The following ATOSA variants were observed in gnomAD, a reference collection of about 807,000 sequenced individuals.
The protein encoded by ATOSA is atos homolog protein A.
At chr15:52,694,389 C>A in the ATOSA span, among the ~76,000 whole-genome samples, 4 of 152,136 alleles carry the variant, frequency 2.6e-5, no homozygotes, top group African/African-American at 4.8e-5. Flanking sequence ...TGGTCTCGAA[C>A]TCCTGACCTC....
At chr15:52,592,478 G>T in the ATOSA span, among the ~76,000 whole-genome samples, 4 of 152,072 alleles carry the variant, frequency 2.6e-5, no homozygotes, top group African/African-American at 9.7e-5. Context: ...GCAAATGAAT[G>T]CTTATATTAT....
At chr15:52,590,030 C>T in the ATOSA span, among the ~76,000 whole-genome samples, 2,955 of 152,132 alleles carry the variant, frequency 0.019, 87 homozygotes, top group African/African-American at 0.062. Flanking sequence ...TCAAGTTATC[C>T]GCCTGCCCCA....
At chr15:52,691,623 C>G in the ATOSA span, among the ~76,000 whole-genome samples, 3 of 152,006 alleles carry the variant, frequency 2.0e-5, no homozygotes, top group Admixed American at 6.6e-5. Context: ...TAGCTTGAGC[C>G]CAGGGTTTCA....
chr15:52,692,790 G>A, the ATOSA span, among the ~76,000 whole-genome samples: 1 of 151,808 alleles, frequency 6.6e-6, no homozygotes, highest in Admixed American at 6.6e-5. Flanking sequence ...CTCCTGAGTA[G>A]GTGGGACTAC....
chr15:52,674,428 T>C, the ATOSA span, among the ~76,000 whole-genome samples: 1 of 152,172 alleles, frequency 6.6e-6, no homozygotes, highest in African/African-American at 2.4e-5. Context: ...TCCAAACTTG[T>C]ACATCCTTGA....
chr15:52,621,835 A>G, the ATOSA span, among the ~76,000 whole-genome samples: 1 of 149,114 alleles, frequency 6.7e-6, no homozygotes, highest in Non-Finnish European at 1.5e-5. Context: ...ATGAGAATAC[A>G]CTAACATACT....
the ATOSA span, among the ~76,000 whole-genome samples, chr15:52,705,535 GA>G: frequency 0.57 from 85,859 of 150,170 alleles, 24,653 homozygotes; most frequent in East Asian, 0.79. Context: ...AGAAAGAAGA[GA>G]AAAAAAAAAC....
the ATOSA span, among the ~76,000 whole-genome samples, chr15:52,663,743 C>A: frequency 0.01 from 1,548 of 152,260 alleles, 23 homozygotes; most frequent in African/African-American, 0.036. Context: ...ATCTCAGCAT[C>A]CCAAGAGCTG....
chr15:52,625,312 T>C, the ATOSA span, among the ~76,000 whole-genome samples: 3 of 152,042 alleles, frequency 2.0e-5, no homozygotes, highest in Non-Finnish European at 4.4e-5. Flanking sequence ...AAAGTTGACA[T>C]TAGTGACAAG....
the ATOSA span, among the ~76,000 whole-genome samples, chr15:52,597,189 TATTCTATTC>T: frequency 2.7e-5 from 4 of 149,660 alleles, no homozygotes; most frequent in African/African-American, 4.9e-5. Context: ...TATTCTATTC[TATTCTATTC>T]TATTCTATTC....
At chr15:52,627,801 T>C in the ATOSA span, among the ~76,000 whole-genome samples, 1,157 of 152,294 alleles carry the variant, frequency 7.6e-3, 16 homozygotes, top group African/African-American at 0.027. Context: ...TACATTCGTG[T>C]ATGTTCCTGG....
the ATOSA span, among the ~76,000 whole-genome samples, chr15:52,631,283 G>T: frequency 6.6e-6 from 1 of 152,178 alleles, no homozygotes; most frequent in Non-Finnish European, 1.5e-5. Context: ...CTCACTGTTT[G>T]TAAGGTGGTA....
chr15:52,593,143 C>CA, the ATOSA span, among the ~76,000 whole-genome samples: 1,988 of 127,332 alleles, frequency 0.016, 42 homozygotes, highest in African/African-American at 0.049. Context: ...GAGATGCTGT[C>CA]AAAAAAAAAA....
chr15:52,617,190 G>C, the ATOSA span, among the ~76,000 whole-genome samples: 1 of 152,114 alleles, frequency 6.6e-6, no homozygotes, highest in African/African-American at 2.4e-5. Flanking sequence ...GGGTGGTAAC[G>C]CATGTAGCTT....
At chr15:52,596,652 T>C in the ATOSA span, among the ~76,000 whole-genome samples, 1 of 152,202 alleles carries the variant, frequency 6.6e-6, no homozygotes, top group Non-Finnish European at 1.5e-5. Flanking sequence ...GGGGGTACTA[T>C]TGGAATCAAG....
the ATOSA span, among the ~76,000 whole-genome samples, chr15:52,708,633 C>T: frequency 2.0e-5 from 3 of 151,970 alleles, no homozygotes; most frequent in African/African-American, 4.8e-5. Context: ...TTCTGCTAAA[C>T]CACACTGGGA....
chr15:52,662,604 A>C, the ATOSA span, among the ~76,000 whole-genome samples: 1 of 152,064 alleles, frequency 6.6e-6, no homozygotes, highest in Non-Finnish European at 1.5e-5. Flanking sequence ...CCCCGTCTCT[A>C]CTAAAAATAC....
chr15:52,632,169 T>C, the ATOSA span, among the ~76,000 whole-genome samples: 1 of 152,230 alleles, frequency 6.6e-6, no homozygotes, highest in Non-Finnish European at 1.5e-5. Context: ...TTTTAGTTCA[T>C]GATACTGTTC....
the ATOSA span, among the ~76,000 whole-genome samples, chr15:52,606,276 A>G: frequency 1.3e-5 from 2 of 152,144 alleles, no homozygotes; most frequent in Admixed American, 1.3e-4. Context: ...TCACAGCACT[A>G]TGTTTTTGAC....
Sources: allele counts gnomAD v4.1 joint callset (sites outside exome capture counted in the v4.1 genomes callset), GRCh38; gene constraint gnomAD v4.1.1; transcripts MANE v1.5; gene names NCBI Gene and HGNC (gene_info 2026-07-23, HGNC 2026-07-21).